The following NKAIN2 variants were observed in gnomAD, a reference collection of about 807,000 sequenced individuals.
NKAIN2 encodes sodium/potassium transporting ATPase interacting 2.
NKAIN2 carries 14 observed loss-of-function variants against 32.6 expected under a neutral mutation model. The observed-to-expected ratio is 0.43, with a 90% CI of 0.28 to 0.67. The LOEUF (loss-of-function observed/expected upper bound fraction) is 0.67. NKAIN2 is among the 30% of genes least tolerant of loss of function. The pLI is 0.17. For synonymous variants in NKAIN2, 80 were observed against 87.2 expected (o/e 0.92, Z 0.46); for missense variants, 198 against 258.3 (o/e 0.77, Z 1.60).
chr6:124,510,117 T>C (rs1254682809), intron 3 of NKAIN2, among the ~76,000 whole-genome samples: 1 of 151,136 alleles, frequency 6.6e-6, no homozygotes, highest in African/African-American at 2.4e-5. Flanking sequence ...ATTACCATGA[T>C]TTTTGAAATT....
At chr6:124,285,712 AC>A (rs1462255159) in intron 2 of NKAIN2, among the ~76,000 whole-genome samples, 3 of 151,924 alleles carry the variant, frequency 2.0e-5, no homozygotes, top group Non-Finnish European at 4.4e-5. Flanking sequence ...AGGGCACCAA[AC>A]CCCCCACACA....
intron 1 of NKAIN2, among the ~76,000 whole-genome samples, chr6:123,972,614 G>A (rs117277305): frequency 0.022 from 3,339 of 152,244 alleles, 53 homozygotes; most frequent in Admixed American, 0.032. Flanking sequence ...TAAAAGATAA[G>A]AGCCTGATGT....
Position 124,390,415 on chromosome 6 carries a change from A to T in NKAIN2, c.273+35068A>T, listed in dbSNP as rs551107109. Reference sequence around the variant, plus strand: ...CTGAATGAGAACATTATTCTGTCTTAATAACGTTAACCAGTAGAAAACTGG... The same window carrying T: ...CTGAATGAGAACATTATTCTGTCTTTATAACGTTAACCAGTAGAAAACTGG... On this transcript the variant is annotated intron_variant, in intron 3 of 6. Coordinates refer to ENST00000368417, the MANE Select transcript of NKAIN2 (RefSeq NM_001040214.3). Among the ~76,000 whole-genome samples the T allele has an allele frequency of 7.9e-5, 12 of 152,270 alleles. No individual in the cohort carries two copies. In the East Asian group the frequency reaches 2.3e-3, roughly 29 times the overall value.
At chr6:124,246,046 A>G (rs1432484999) in intron 1 of NKAIN2, among the ~76,000 whole-genome samples, 1 of 152,026 alleles carries the variant, frequency 6.6e-6, no homozygotes, top group East Asian at 1.9e-4. Context: ...TCTTCCCAGT[A>G]TTTTACATTC....
intron 1 of NKAIN2, among the ~76,000 whole-genome samples, chr6:123,892,032 T>C (rs907558064): frequency 6.6e-6 from 1 of 152,174 alleles, no homozygotes; most frequent in East Asian, 1.9e-4. Flanking sequence ...GTCTCACATA[T>C]TCAGTCTCAG....
chr6:124,279,588 CAG>C (rs935862099), intron 1 of NKAIN2, among the ~76,000 whole-genome samples: 3 of 145,540 alleles, frequency 2.1e-5, no homozygotes, highest in Non-Finnish European at 4.5e-5. Flanking sequence ...ACCTTTATAA[CAG>C]TGTCAGAAAA....
chr6:123,921,880 G>A (rs774509628), intron 1 of NKAIN2, among the ~76,000 whole-genome samples: 8 of 151,666 alleles, frequency 5.3e-5, no homozygotes, highest in Non-Finnish European at 7.4e-5. Flanking sequence ...GCAGTGAGCT[G>A]AGATTGCACC....
intron 4 of NKAIN2, among the ~76,000 whole-genome samples, chr6:124,668,234 A>C (rs1419122713): frequency 1.3e-5 from 2 of 152,114 alleles, no homozygotes; most frequent in Non-Finnish European, 2.9e-5. Flanking sequence ...TCACGTGATT[A>C]TTTTGGTTAG....
At chr6:124,194,020 C>A (rs1316255502) in intron 1 of NKAIN2, among the ~76,000 whole-genome samples, 1 of 152,070 alleles carries the variant, frequency 6.6e-6, no homozygotes, top group Non-Finnish European at 1.5e-5. Flanking sequence ...GGCAAGTCGT[C>A]CCATTGTCTC....
chr6:124,164,042 T>C (rs918832655), intron 1 of NKAIN2, among the ~76,000 whole-genome samples: 1 of 151,916 alleles, frequency 6.6e-6, no homozygotes, highest in Admixed American at 6.6e-5. Context: ...GTTTGCTTTT[T>C]AAAAAAAATT....
intron 1 of NKAIN2, among the ~76,000 whole-genome samples, chr6:123,938,952 A>G (rs956837821): frequency 6.6e-6 from 1 of 151,946 alleles, no homozygotes; most frequent in Non-Finnish European, 1.5e-5. Flanking sequence ...TCAGGAAATA[A>G]AATTTTGGTG....
At position 124,610,353 on chromosome 6, in the gene NKAIN2, G is replaced by C. The variant is rs148004277; in HGVS notation, c.274-47833G>C. The stretch of plus-strand genomic sequence containing the variant: ...TATGTCAATTTCCTGAATGAATAAG[G>C]ATGTGCATGGGAGTTTATCCTAGTA... On this transcript the variant is annotated intron_variant, in intron 3 of 6. Coordinates refer to ENST00000368417, the MANE Select transcript of NKAIN2 (RefSeq NM_001040214.3). 1.5e-4 allele frequency among the ~76,000 whole-genome samples: 23 copies of C among 152,246 alleles called. 1 individual carries two copies. In the East Asian group the frequency reaches 4.0e-3, roughly 27 times the overall value.
At chr6:124,324,381 T>A (rs1797332436) in intron 2 of NKAIN2, among the ~76,000 whole-genome samples, 1 of 152,186 alleles carries the variant, frequency 6.6e-6, no homozygotes, top group South Asian at 2.1e-4. Flanking sequence ...GTAAATGTTA[T>A]TCTATTTTTA....
intron 1 of NKAIN2, among the ~76,000 whole-genome samples, chr6:123,843,979 T>C (rs1452010370): frequency 6.6e-6 from 1 of 152,150 alleles, no homozygotes; most frequent in African/African-American, 2.4e-5. Flanking sequence ...ATTCCCGTAA[T>C]GGGGATTAAT....
chr6:124,111,108 A>T (rs970848112), intron 1 of NKAIN2, among the ~76,000 whole-genome samples: 9 of 152,092 alleles, frequency 5.9e-5, no homozygotes, highest in African/African-American at 2.2e-4. Context: ...ATAATTTTTC[A>T]TACTAGTCTC....
chr6:124,240,512 C>A (rs917565509), intron 1 of NKAIN2, among the ~76,000 whole-genome samples: 1 of 152,020 alleles, frequency 6.6e-6, no homozygotes, highest in African/African-American at 2.4e-5. Context: ...TACTGGCAAA[C>A]CAAATCCAGC....
chr6:124,177,373 A>G (rs1789213326), intron 1 of NKAIN2, among the ~76,000 whole-genome samples: 1 of 152,152 alleles, frequency 6.6e-6, no homozygotes, highest in South Asian at 2.1e-4. Flanking sequence ...TCTTAGCATG[A>G]TTTCTTTTAA....
intron 1 of NKAIN2, among the ~76,000 whole-genome samples, chr6:124,244,633 C>T (rs932024694): frequency 6.6e-6 from 1 of 152,018 alleles, no homozygotes; most frequent in Non-Finnish European, 1.5e-5. Flanking sequence ...TCCACCACCA[C>T]TCCACTAAAG....
intron 1 of NKAIN2, among the ~76,000 whole-genome samples, chr6:123,833,894 CTT>C (rs971152467): frequency 1.3e-5 from 2 of 150,970 alleles, no homozygotes; most frequent in African/African-American, 4.9e-5. Context: ...TGCCTGGCTA[CTT>C]TTTGTATTTT....
Sources: allele counts gnomAD v4.1 joint callset (sites outside exome capture counted in the v4.1 genomes callset), GRCh38; gene constraint gnomAD v4.1.1; transcripts MANE v1.5; gene names NCBI Gene and HGNC (gene_info 2026-07-23, HGNC 2026-07-21).